Variants in EIF2S3B observed in about 807,000 individuals in gnomAD.
EIF2S3B encodes the protein eukaryotic translation initiation factor 2 subunit 3B.
EIF2S3B carries 16 observed loss-of-function variants against 26.4 expected under a neutral mutation model. The ratio of observed to expected loss-of-function variants is 0.61; its 90% CI spans 0.41 to 0.92. The LOEUF (loss-of-function observed/expected upper bound fraction) is 0.92, where lower values mean the gene tolerates loss of function less well. EIF2S3B is among the 40% of genes least tolerant of loss of function. The probability of loss-of-function intolerance (pLI) is 0.00; values close to 1 mark genes in which losing one functional copy is unlikely to be tolerated. For missense variants in EIF2S3B, 510 were observed against 575.5 expected, an observed-to-expected ratio of 0.89 and a Z score of 1.16; for synonymous variants, 183 against 204.4, an observed-to-expected ratio of 0.90 and a Z score of 0.89.
At chr12:10,517,212 T>C (rs1864766742) in intron 1 of EIF2S3B, among the ~76,000 whole-genome samples, 1 of 152,206 alleles carries the variant, frequency 6.6e-6, no homozygotes, top group African/African-American at 2.4e-5. Flanking sequence ...GTATCTCTGG[T>C]AGAATTCAGC....
chr12:10,517,247 A>T (rs977584146), intron 1 of EIF2S3B, among the ~76,000 whole-genome samples: 1 of 151,816 alleles, frequency 6.6e-6, no homozygotes, highest in Non-Finnish European at 1.5e-5. Flanking sequence ...GTCCTGGACT[A>T]TTTTTGGTTG....
chr12:10,511,573 A>G (rs11053828), downstream of EIF2S3B, among the ~76,000 whole-genome samples: 45,256 of 152,068 alleles, frequency 0.3, 6,981 homozygotes, highest in Non-Finnish European at 0.33. Context: ...AAATAAAACC[A>G]TTTATAAATT....
intron 1 of EIF2S3B, among the ~76,000 whole-genome samples, chr12:10,519,555 C>T (rs1864806780): frequency 6.6e-6 from 1 of 151,954 alleles, no homozygotes; most frequent in Admixed American, 6.6e-5. Context: ...AAGAAACTAC[C>T]ATCAGAGTGA....
chr12:10,513,468 A>G (rs900747575), downstream of EIF2S3B, among the ~76,000 whole-genome samples: 1 of 152,154 alleles, frequency 6.6e-6, no homozygotes, highest in Non-Finnish European at 1.5e-5. Flanking sequence ...AGACAGATGG[A>G]TGGGTCCCTG....
chr12:10,506,972 T>C lies in EIF2S3B; in HGVS notation c.1070T>C (p.Ile357Thr). 4 of 1,613,800 alleles carry C rather than the reference T, an allele frequency of 2.5e-6. No individual in the cohort carries two copies. The highest frequency in any genetic ancestry group is 2.5e-6 in the Non-Finnish European group (3 of 1,179,742). Residue 357 changes from isoleucine (I) to threonine (T), a missense_variant, in exon 1 of 1, where the codon ATA becomes ACA. Transcript: ENST00000538173. Reference protein sequence around the residue: ...LCRADRMVGQILGAVGALPEI... With the variant: ...LCRADRMVGQTLGAVGALPEI... ...CGGGCTGACAGAATGGTGGGGCAAA[T>C]ACTTGGTGCAGTCGGAGCTTTACCT...
At chr12:10,512,402 A>G (rs576230860), downstream of EIF2S3B, among the ~76,000 whole-genome samples, 14 of 152,200 alleles carry the variant, frequency 9.2e-5, no homozygotes, top group Non-Finnish European at 1.9e-4. Flanking sequence ...GATGGTTTTT[A>G]TAATCATTTA....
chr12:10,513,702 T>C (rs907618540), intron 1 of EIF2S3B, among the ~76,000 whole-genome samples: 9 of 152,156 alleles, frequency 5.9e-5, no homozygotes, highest in African/African-American at 2.2e-4. Flanking sequence ...TCAATTTATA[T>C]TTCCTTTAAT....
chr12:10,521,412 C>A (rs73070549), intron 1 of EIF2S3B, among the ~76,000 whole-genome samples: 21,530 of 151,832 alleles, frequency 0.14, 1,564 homozygotes, highest in Middle Eastern at 0.17. Context: ...ATAGATGAGG[C>A]AAACTGAGCC....
downstream of EIF2S3B, among the ~76,000 whole-genome samples, chr12:10,510,868 T>C (rs1487429661): frequency 6.6e-6 from 1 of 152,168 alleles, no homozygotes; most frequent in South Asian, 2.1e-4. Flanking sequence ...ATGGCAATTA[T>C]ATTAATCCTA....
chr12:10,514,787 A>T (rs1478990899), intron 1 of EIF2S3B, among the ~76,000 whole-genome samples: 2 of 152,080 alleles, frequency 1.3e-5, no homozygotes, highest in East Asian at 3.9e-4. Context: ...TTTCCTACCC[A>T]TCATTGCTTT....
chr12:10,519,119 C>CAA (rs1864800670), intron 1 of EIF2S3B, among the ~76,000 whole-genome samples: 1 of 151,932 alleles, frequency 6.6e-6, no homozygotes, highest in Non-Finnish European at 1.5e-5. Context: ...TACTACAAGG[C>CAA]TACAGTAACC....
At chr12:10,518,165 T>C (rs1169172439) in intron 1 of EIF2S3B, among the ~76,000 whole-genome samples, 1 of 152,172 alleles carries the variant, frequency 6.6e-6, no homozygotes, top group Non-Finnish European at 1.5e-5. Flanking sequence ...CTGGGTATAC[T>C]TGTTAACTTT....
At chr12:10,521,387 T>G (rs892132082) in intron 1 of EIF2S3B, among the ~76,000 whole-genome samples, 2 of 150,134 alleles carry the variant, frequency 1.3e-5, no homozygotes, top group African/African-American at 4.9e-5. Context: ...CAGAGTGATG[T>G]TTTTTTTTCA....
chr12:10,514,096 C>G (rs1327985078), intron 1 of EIF2S3B, among the ~76,000 whole-genome samples: 1 of 151,960 alleles, frequency 6.6e-6, no homozygotes, highest in Non-Finnish European at 1.5e-5. Context: ...TTTTTCTTAG[C>G]CATAATTTAA....
At chr12:10,508,613 C>T (rs926301980), downstream of EIF2S3B, among the ~76,000 whole-genome samples, 4 of 149,242 alleles carry the variant, frequency 2.7e-5, no homozygotes, top group Non-Finnish European at 4.4e-5. Flanking sequence ...GCCCTGAAGA[C>T]GGCATTGTGA....
chr12:10,520,942 G>C (rs117484276), intron 1 of EIF2S3B, among the ~76,000 whole-genome samples: 1,753 of 152,278 alleles, frequency 0.012, 22 homozygotes, highest in Non-Finnish European at 0.017. Flanking sequence ...TTAGAACAGA[G>C]ATCCTACATA....
intron 1 of EIF2S3B, among the ~76,000 whole-genome samples, chr12:10,521,093 T>C (rs1864826770): frequency 6.6e-6 from 1 of 152,148 alleles, no homozygotes; most frequent in Non-Finnish European, 1.5e-5. Flanking sequence ...CTCTTGAAAA[T>C]TGCATGTGAA....
intron 1 of EIF2S3B, among the ~76,000 whole-genome samples, chr12:10,522,288 T>C (rs74738148): frequency 0.031 from 4,705 of 152,292 alleles, 219 homozygotes; most frequent in African/African-American, 0.1. Context: ...TGAGCCATGA[T>C]TGTGCCAGTG....
At chr12:10,508,525 C>CAAAAAAAAAAAAAAAAAAA, downstream of EIF2S3B, among the ~76,000 whole-genome samples, 1 of 62,972 alleles carries the variant, frequency 1.6e-5, no homozygotes, top group African/African-American at 5.5e-5. Flanking sequence ...TGTTAGAAAG[C>CAAAAAAAAAAAAAAAAAAA]AAAAAAAAAA....
Sources: allele counts gnomAD v4.1 joint callset (sites outside exome capture counted in the v4.1 genomes callset), GRCh38; gene constraint gnomAD v4.1.1; transcripts MANE v1.5; gene names NCBI Gene and HGNC (gene_info 2026-07-23, HGNC 2026-07-21).